IGF2BP3: variants seen among roughly 807,000 people sequenced by gnomAD.
IGF2BP3 encodes the protein insulin-like growth factor 2 mRNA-binding protein 3.
Under a neutral mutation model 73.8 loss-of-function variants are expected in IGF2BP3, and 9 were observed. The ratio of observed to expected loss-of-function variants is 0.12; its 90% CI spans 0.07 to 0.21. IGF2BP3 has a LOEUF of 0.21. Ranked by LOEUF, IGF2BP3 falls within the 10% of genes least tolerant of loss-of-function variation. IGF2BP3 has a pLI of 1.00. For missense variants in IGF2BP3, 542 were observed against 714.0 expected, an observed-to-expected ratio of 0.76 and a Z score of 2.75; for synonymous variants, 258 against 256.7, an observed-to-expected ratio of 1.01 and a Z score of -0.05.
At chr7:23,424,735 A>G (rs2128538652) in intron 2 of IGF2BP3, among the ~76,000 whole-genome samples, 1 of 152,282 alleles carries the variant, frequency 6.6e-6, no homozygotes, top group South Asian at 2.1e-4. Flanking sequence ...CTGCCTATCT[A>G]CAAAAAAATC....
At chr7:23,376,653 G>A (rs1785732440) in intron 3 of IGF2BP3, among the ~76,000 whole-genome samples, 1 of 152,008 alleles carries the variant, frequency 6.6e-6, no homozygotes, top group Admixed American at 6.6e-5. Context: ...GATCGCTTGA[G>A]TCCAGCAATT....
At chr7:23,325,446 T>G (rs916611255) in intron 10 of IGF2BP3, among the ~76,000 whole-genome samples, 2 of 152,150 alleles carry the variant, frequency 1.3e-5, no homozygotes, top group Non-Finnish European at 2.9e-5. Context: ...TGGAAGAACA[T>G]TCCATGCTCA....
chr7:23,467,822 G>A (rs1270968884), intron 2 of IGF2BP3: 1 of 153,522 alleles, frequency 6.5e-6, no homozygotes. Flanking sequence ...GAATCTTCCT[G>A]TCTTCATCTT....
intron 3 of IGF2BP3, among the ~76,000 whole-genome samples, chr7:23,397,048 G>T (rs1483101623): frequency 6.6e-6 from 1 of 152,002 alleles, no homozygotes; most frequent in Admixed American, 6.6e-5. Flanking sequence ...TCTTCCATTC[G>T]ACTATTCTGA....
intron 5 of IGF2BP3, among the ~76,000 whole-genome samples, chr7:23,360,285 T>C (rs925421721): frequency 2.0e-5 from 3 of 152,184 alleles, no homozygotes; most frequent in East Asian, 3.8e-4. Flanking sequence ...TGCAAGAGAC[T>C]GGAAACAACC....
intron 2 of IGF2BP3, among the ~76,000 whole-genome samples, chr7:23,451,508 C>T (rs950458268): frequency 1.3e-5 from 2 of 152,056 alleles, no homozygotes; most frequent in Admixed American, 6.6e-5. Flanking sequence ...GCAGGAGAAT[C>T]GCTTGAACCC....
At chr7:23,407,182 A>T (rs74591867) in intron 3 of IGF2BP3, among the ~76,000 whole-genome samples, 1 of 138,934 alleles carries the variant, frequency 7.2e-6, no homozygotes, top group African/African-American at 2.7e-5. Flanking sequence ...TGTAGTTATT[A>T]AAAAAAAAAA....
rs371441773 is a variant in IGF2BP3 at position 23,313,108 on chromosome 7, A to G, written c.1528-260T>C. Among the ~76,000 whole-genome samples, 26 of 152,368 alleles carry G rather than the reference A, an allele frequency of 1.7e-4. No individual in the cohort carries two copies. The East Asian group carries it at 2.1e-3, about 12-fold the overall frequency. ...TCTGATTCCAAAGTGTATGTACTCA[A>G]TCACTTCAAAATTATAAATAGCTTT... On this transcript the variant is annotated intron_variant, in intron 13 of 14. Coordinates refer to ENST00000258729, the MANE Select transcript of IGF2BP3 (RefSeq NM_006547.3).
rs1056561921 is a variant in IGF2BP3, at chr7:23,311,164, T to C, written c.*1198A>G. 6 of 152,164 alleles carry C rather than the reference T, an allele frequency of 3.9e-5. No homozygotes were observed. The highest frequency in any genetic ancestry group is 1.4e-4 in the African/African-American group (6 of 41,430). The allele number at this position is 152,164 out of a possible 1,614,324, so 9.4% of individuals were successfully genotyped here. On this transcript the variant is annotated 3_prime_UTR_variant, in exon 15 of 15. Coordinates refer to ENST00000258729, the MANE Select transcript of IGF2BP3 (RefSeq NM_006547.3). Reference sequence around the variant, plus strand: ...CTTAAAAATCTTCAAAATAGCTTAGTGAGGCTCATGACAGTGCTGGCCCCA... The same window carrying C: ...CTTAAAAATCTTCAAAATAGCTTAGCGAGGCTCATGACAGTGCTGGCCCCA...
intron 2 of IGF2BP3, among the ~76,000 whole-genome samples, chr7:23,451,912 C>T (rs550970251): frequency 9.4e-5 from 14 of 148,484 alleles, no homozygotes; most frequent in African/African-American, 3.5e-4. Flanking sequence ...TACACCACTG[C>T]ACTCCAGCCT....
chr7:23,384,303 G>A (rs559411205), intron 3 of IGF2BP3, among the ~76,000 whole-genome samples: 2 of 151,912 alleles, frequency 1.3e-5, no homozygotes, highest in Non-Finnish European at 2.9e-5. Context: ...GGGGTTCAGT[G>A]GGGGGAAAGA....
At chr7:23,358,111 G>A (rs1292004473) in intron 5 of IGF2BP3, among the ~76,000 whole-genome samples, 2 of 152,192 alleles carry the variant, frequency 1.3e-5, no homozygotes, top group African/African-American at 4.8e-5. Context: ...TTTCTCAGTA[G>A]CCTCATTAGC....
intron 10 of IGF2BP3, among the ~76,000 whole-genome samples, chr7:23,325,588 GA>G (rs1192941560): frequency 6.6e-6 from 1 of 152,056 alleles, no homozygotes; most frequent in Non-Finnish European, 1.5e-5. Flanking sequence ...AGTTCATACA[GA>G]ACCAAAAAAG....
chr7:23,378,351 T>C (rs1387224234), intron 3 of IGF2BP3, among the ~76,000 whole-genome samples: 3 of 139,598 alleles, frequency 2.1e-5, no homozygotes, highest in Non-Finnish European at 4.5e-5. Flanking sequence ...GGCCTTTAGA[T>C]AGTTTTCAAA....
chr7:23,380,154 CCT>C (rs374846090), intron 3 of IGF2BP3, among the ~76,000 whole-genome samples: 1 of 137,034 alleles, frequency 7.3e-6, no homozygotes, highest in Non-Finnish European at 1.5e-5. Context: ...GCCCACTATG[CCT>C]CTTTTTTTTT....
intron 3 of IGF2BP3, among the ~76,000 whole-genome samples, chr7:23,382,957 C>G (rs1785959374): frequency 6.9e-6 from 1 of 144,696 alleles, no homozygotes; most frequent in South Asian, 2.2e-4. Flanking sequence ...CCTACAGATG[C>G]AGCTTCTTGG....
rs1787295456 is a variant in IGF2BP3, at chr7:23,419,858, A to G, written c.237-1034T>C. 3.3e-5 allele frequency among the ~76,000 whole-genome samples: 5 copies of G among 152,232 alleles called. No individual in the cohort carries two copies. The South Asian group carries it at 1.0e-3, about 32-fold the overall frequency. ...ACAGAGCGAGACTCCATCTCAAAAAAATAAAAAATAAGACATACTGAAACA... is the reference window on the plus strand; with the variant it reads ...ACAGAGCGAGACTCCATCTCAAAAAGATAAAAAATAAGACATACTGAAACA... On this transcript the variant is annotated intron_variant, in intron 2 of 14. Transcript: ENST00000258729.
intron 3 of IGF2BP3, among the ~76,000 whole-genome samples, chr7:23,395,831 CAGG>C (rs1475386713): frequency 2.6e-5 from 4 of 151,930 alleles, no homozygotes; most frequent in African/African-American, 7.3e-5. Context: ...GAGGCTGAGG[CAGG>C]AGAACTGCTT....
intron 2 of IGF2BP3, among the ~76,000 whole-genome samples, chr7:23,432,892 A>G (rs1311071408): frequency 1.3e-5 from 2 of 152,198 alleles, no homozygotes; most frequent in African/African-American, 2.4e-5. Context: ...TCGGCCTACC[A>G]AACTGCTAGG....
Sources: allele counts gnomAD v4.1 joint callset (sites outside exome capture counted in the v4.1 genomes callset), GRCh38; gene constraint gnomAD v4.1.1; transcripts MANE v1.5; gene names NCBI Gene and HGNC (gene_info 2026-07-23, HGNC 2026-07-21).